Variants in PLPPR1 observed in about 807,000 individuals in gnomAD.
PLPPR1 encodes the protein phospholipid phosphatase-related protein type 1.
A neutral mutation model predicts 33.1 loss-of-function variants in PLPPR1; 10 were observed. The ratio of observed to expected loss-of-function variants is 0.30; its 90% confidence interval spans 0.19 to 0.51. PLPPR1 has a LOEUF of 0.51. Ranked by LOEUF, PLPPR1 falls within the 20% of genes least tolerant of loss-of-function variation. The pLI is 0.97. For synonymous variants in PLPPR1, 151 were observed against 151.0 expected, an observed-to-expected ratio of 1.00 and a Z score of 0.00; for missense variants, 304 against 408.1, an observed-to-expected ratio of 0.74 and a Z score of 2.20.
At chr9:101,144,294 A>T (rs1831495018) in intron 1 of PLPPR1, among the ~76,000 whole-genome samples, 1 of 152,170 alleles carries the variant, frequency 6.6e-6, no homozygotes, top group South Asian at 2.1e-4. Context: ...GGATAGCATT[A>T]GGAGAAATCC....
intron 2 of PLPPR1, among the ~76,000 whole-genome samples, chr9:101,203,965 C>A (rs1235481097): frequency 1.3e-5 from 2 of 151,962 alleles, no homozygotes; most frequent in African/African-American, 4.8e-5. Flanking sequence ...TTATTACTGG[C>A]CTGATTAAGT....
At chr9:101,136,289 T>C (rs1405139482) in intron 1 of PLPPR1, among the ~76,000 whole-genome samples, 1 of 152,232 alleles carries the variant, frequency 6.6e-6, no homozygotes, top group African/African-American at 2.4e-5. Context: ...GGAAGAAACA[T>C]ATAATGTTCA....
chr9:101,198,983 T>A (rs143082521), intron 2 of PLPPR1, among the ~76,000 whole-genome samples: 128 of 152,228 alleles, frequency 8.4e-4, no homozygotes, highest in African/African-American at 2.9e-3. Flanking sequence ...ATATTTTGAG[T>A]TTAGACCTTA....
At chr9:101,269,315 G>C (rs1158659185) in intron 2 of PLPPR1, among the ~76,000 whole-genome samples, 3 of 152,104 alleles carry the variant, frequency 2.0e-5, no homozygotes. Flanking sequence ...AGTTATGACT[G>C]ATGTAGAATA....
intron 1 of PLPPR1, among the ~76,000 whole-genome samples, chr9:101,136,216 C>A (rs1409103743): frequency 2.0e-5 from 3 of 152,156 alleles, no homozygotes; most frequent in Non-Finnish European, 4.4e-5. Flanking sequence ...CATTTATTAC[C>A]AGCCCACTTC....
At chr9:101,173,296 T>C (rs2118693825) in intron 1 of PLPPR1, among the ~76,000 whole-genome samples, 1 of 152,312 alleles carries the variant, frequency 6.6e-6, no homozygotes, top group African/African-American at 2.4e-5. Context: ...AGACTAAGTT[T>C]AATAGTTAAT....
intron 2 of PLPPR1, among the ~76,000 whole-genome samples, chr9:101,231,221 T>C (rs931096118): frequency 6.6e-6 from 1 of 151,904 alleles, no homozygotes; most frequent in Non-Finnish European, 1.5e-5. Flanking sequence ...TGCCCAGTCC[T>C]TTCACTGTCA....
chr9:101,204,850 T>C (rs1173327451), intron 2 of PLPPR1, among the ~76,000 whole-genome samples: 1 of 152,052 alleles, frequency 6.6e-6, no homozygotes, highest in Non-Finnish European at 1.5e-5. Flanking sequence ...TTAAAGTGAG[T>C]AAGACTCAAT....
intron 6 of PLPPR1, among the ~76,000 whole-genome samples, chr9:101,315,417 G>A (rs1324626417): frequency 6.6e-6 from 1 of 152,172 alleles, no homozygotes; most frequent in Non-Finnish European, 1.5e-5. Flanking sequence ...CCCAGTTAGA[G>A]AGGAAGAGCC....
intron 2 of PLPPR1, among the ~76,000 whole-genome samples, chr9:101,188,431 T>C (rs1441854732): frequency 6.6e-6 from 1 of 152,078 alleles, no homozygotes; most frequent in Non-Finnish European, 1.5e-5. Context: ...TTCAGACAAT[T>C]ACATCATCTA....
chr9:101,295,076 T>A (rs1427055197), intron 4 of PLPPR1, among the ~76,000 whole-genome samples: 4 of 152,186 alleles, frequency 2.6e-5, no homozygotes, highest in Non-Finnish European at 1.5e-5. Context: ...CAAAATCTCC[T>A]TAAGCTGATA....
chr9:101,293,839 C>T (rs1310642432), intron 4 of PLPPR1, among the ~76,000 whole-genome samples: 3 of 151,820 alleles, frequency 2.0e-5, no homozygotes, highest in African/African-American at 7.3e-5. Flanking sequence ...TAAATGCCCA[C>T]AAGAGAAAGC....
chr9:101,035,881 T>C (rs1830004555), intron 1 of PLPPR1, among the ~76,000 whole-genome samples: 1 of 152,148 alleles, frequency 6.6e-6, no homozygotes. Context: ...CTGCAGCAAC[T>C]TACCTGAGGC....
intron 1 of PLPPR1, among the ~76,000 whole-genome samples, chr9:101,080,978 TGGGA>T (rs1830610292): frequency 6.6e-6 from 1 of 152,264 alleles, no homozygotes; most frequent in East Asian, 1.9e-4. Context: ...CGGAGCCTAG[TGGGA>T]GTTCTGCAGT....
At chr9:101,116,418 C>G (rs2118585675) in intron 1 of PLPPR1, among the ~76,000 whole-genome samples, 1 of 152,268 alleles carries the variant, frequency 6.6e-6, no homozygotes, top group South Asian at 2.1e-4. Flanking sequence ...CAGCTTGGTT[C>G]CATCAGTTGC....
At chr9:101,318,413 C>A (rs1426068095) in intron 7 of PLPPR1, among the ~76,000 whole-genome samples, 1 of 152,134 alleles carries the variant, frequency 6.6e-6, no homozygotes, top group Non-Finnish European at 1.5e-5. Context: ...ACAAATATAT[C>A]ATTACTTGAA....
intron 1 of PLPPR1, among the ~76,000 whole-genome samples, chr9:101,055,028 A>G (rs928009148): frequency 1.3e-5 from 2 of 152,234 alleles, no homozygotes; most frequent in Non-Finnish European, 2.9e-5. Flanking sequence ...GGACTGCTTA[A>G]CCTGAGCTCA....
intron 1 of PLPPR1, among the ~76,000 whole-genome samples, chr9:101,051,839 T>G (rs1238117052): frequency 6.6e-6 from 1 of 152,218 alleles, no homozygotes; most frequent in Non-Finnish European, 1.5e-5. Context: ...TATTTACATT[T>G]TAACGTGTAT....
intron 1 of PLPPR1, among the ~76,000 whole-genome samples, chr9:101,090,990 C>T (rs545997472): frequency 6.6e-6 from 1 of 151,662 alleles, no homozygotes; most frequent in Non-Finnish European, 1.5e-5. Flanking sequence ...CTTCTTCCCC[C>T]CTCCACTGTT....
Sources: allele counts gnomAD v4.1 joint callset (sites outside exome capture counted in the v4.1 genomes callset), GRCh38; gene constraint gnomAD v4.1.1; transcripts MANE v1.5; gene names NCBI Gene and HGNC (gene_info 2026-07-23, HGNC 2026-07-21).